TMEM245: variants seen among roughly 807,000 people sequenced by gnomAD.
TMEM245 encodes the protein transmembrane protein 245, also known as protein CG-2.
TMEM245 carries 69 observed loss-of-function variants against 101.2 expected under a neutral mutation model. The ratio of observed to expected loss-of-function variants is 0.68; its 90% CI spans 0.56 to 0.83. The LOEUF (loss-of-function observed/expected upper bound fraction) is 0.83. Ranked by LOEUF, TMEM245 falls within the 40% of genes least tolerant of loss-of-function variation. The pLI is 0.00. For synonymous variants in TMEM245, 537 were observed against 449.8 expected (o/e 1.19, Z -2.45); for missense variants, 1,075 against 1,092.8 (o/e 0.98, Z 0.23).
chr9:109,045,670 G>A (rs1279671738), intron 14 of TMEM245, among the ~76,000 whole-genome samples: 1 of 152,138 alleles, frequency 6.6e-6, no homozygotes, highest in Non-Finnish European at 1.5e-5. Context: ...AATGAATTTA[G>A]CAGTTTTCGA....
intron 1 of TMEM245, among the ~76,000 whole-genome samples, chr9:109,117,082 CTT>C (rs1414216086): frequency 6.6e-6 from 1 of 151,946 alleles, no homozygotes; most frequent in African/African-American, 2.4e-5. Context: ...GCTCCCAACA[CTT>C]GAGCCAAACA....
intron 7 of TMEM245, among the ~76,000 whole-genome samples, chr9:109,083,326 C>T (rs1162414981): frequency 3.3e-5 from 5 of 152,166 alleles, no homozygotes; most frequent in African/African-American, 7.2e-5. Context: ...AAAGGCCAGA[C>T]GTGCTATCTC....
chr9:109,083,917 A>AC (rs1829752671), intron 7 of TMEM245, among the ~76,000 whole-genome samples: 1 of 136,358 alleles, frequency 7.3e-6, no homozygotes. Flanking sequence ...AAAAAAAAAA[A>AC]AAAAAAAAAA....
intron 17 of TMEM245, among the ~76,000 whole-genome samples, chr9:109,024,761 A>T (rs1827746291): frequency 6.6e-6 from 1 of 152,224 alleles, no homozygotes; most frequent in Admixed American, 6.5e-5. Context: ...ACAGCTGAAA[A>T]ATAAAATGCA....
intron 8 of TMEM245, among the ~76,000 whole-genome samples, chr9:109,077,214 G>C (rs561088818): frequency 4.0e-5 from 6 of 151,414 alleles, no homozygotes; most frequent in Admixed American, 2.0e-4. Flanking sequence ...GCAGTGGCAC[G>C]ATCACAGCTC....
At chr9:109,062,699 G>A (rs1170514473) in intron 10 of TMEM245, among the ~76,000 whole-genome samples, 2 of 152,190 alleles carry the variant, frequency 1.3e-5, no homozygotes, top group South Asian at 2.1e-4. Context: ...GCCAGGCATC[G>A]TGGCTCATGC....
chr9:109,091,755 C>T (rs1187430073), intron 4 of TMEM245, among the ~76,000 whole-genome samples: 3 of 152,114 alleles, frequency 2.0e-5, no homozygotes, highest in Admixed American at 2.0e-4. Context: ...ACACTGTTTT[C>T]TAACAATGCA....
chr9:109,094,040 C>T lies in TMEM245; in HGVS notation c.800-449G>A, dbSNP rs551394372. On this transcript the variant is annotated intron_variant, in intron 3 of 17. Coordinates refer to ENST00000374586, the MANE Select transcript of TMEM245 (RefSeq NM_032012.4). The stretch of plus-strand genomic sequence containing the variant: ...TAACAACATTCCACAAATGAGTATG[C>T]GAATATATGGCTATTATGCAAAACC... Among the ~76,000 whole-genome samples the T allele has an allele frequency of 4.1e-4, 62 of 152,166 alleles. 1 individual carries two copies. Among genetic ancestry groups the T allele is most frequent in the Admixed American group, 3.4e-3 (52 of 15,278 alleles).
At chr9:109,069,504 C>A (rs114530843) in intron 9 of TMEM245, among the ~76,000 whole-genome samples, 72 of 152,222 alleles carry the variant, frequency 4.7e-4, no homozygotes, top group African/African-American at 1.6e-3. Context: ...GGACAGAAGA[C>A]CTCACTTCTT....
In TMEM245 at chr9:109,080,923, C is replaced by A. The variant is rs767695427; in HGVS notation, c.1365G>T (p.Lys455Asn). 3.5e-5 allele frequency: 56 copies of A among 1,603,796 alleles called. No homozygotes were observed. In the Middle Eastern group the frequency reaches 5.0e-4, roughly 14 times the overall value. Residue 455 changes from lysine to asparagine, a missense_variant, in exon 8 of 18, where the codon AAG becomes AAT. Lys to Asn is a moderately conservative substitution (Grantham distance 94, BLOSUM62 0). This residue lies in a region of TMEM245 where 808 missense variants were observed against 741.5 expected (regional missense o/e 1.09). Coordinates refer to ENST00000374586, the MANE Select transcript of TMEM245 (RefSeq NM_032012.4). Reference sequence around the variant, plus strand: ...AAATGCTAATTATTTTATCTAACATCTTCTCCAACCAGATGATCATCTGCA... The same window carrying A: ...AAATGCTAATTATTTTATCTAACATATTCTCCAACCAGATGATCATCTGCA... The part of the protein sequence containing the change: ...LNKKMIIWLE[K>N]MLDKIISIFI...
intron 12 of TMEM245, 97 bp from the exon 13 acceptor site, chr9:109,050,789 G>A (rs1828654305): frequency 1.2e-5 from 16 of 1,282,652 alleles, no homozygotes; most frequent in South Asian, 3.4e-5. Context: ...TTAGTACCAT[G>A]AACTGAAAAG....
chr9:109,104,549 A>T (rs1337060660), intron 3 of TMEM245, among the ~76,000 whole-genome samples: 1 of 152,240 alleles, frequency 6.6e-6, no homozygotes, highest in African/African-American at 2.4e-5. Flanking sequence ...AGGAAAGCTG[A>T]TCATAAATAT....
chr9:109,118,528 T>C (rs936888556), intron 1 of TMEM245, among the ~76,000 whole-genome samples: 1 of 152,218 alleles, frequency 6.6e-6, no homozygotes, highest in Non-Finnish European at 1.5e-5. Flanking sequence ...CTAGATTACC[T>C]TTGAAATCTT....
intron 7 of TMEM245, among the ~76,000 whole-genome samples, chr9:109,083,969 T>G (rs568372888): frequency 4.9e-4 from 69 of 141,390 alleles, no homozygotes; most frequent in South Asian, 1.4e-3. Context: ...CCCAGCTACT[T>G]AGGCGGCTGA....
At chr9:109,083,939 T>TG (rs1427364251) in intron 7 of TMEM245, among the ~76,000 whole-genome samples, 2 of 91,428 alleles carry the variant, frequency 2.2e-5, no homozygotes, top group African/African-American at 7.8e-5. Flanking sequence ...ACACCAGGCA[T>TG]GGTGGTGCAC....
At chr9:109,038,742 G>A (rs1362232913) in intron 14 of TMEM245, 1 of 152,242 alleles carries the variant, frequency 6.6e-6, no homozygotes, top group Non-Finnish European at 1.5e-5. Context: ...AGTAAAATCA[G>A]AGAGGAAAAT....
chr9:109,026,415 T>C (rs1827790474), intron 17 of TMEM245, among the ~76,000 whole-genome samples: 2 of 151,776 alleles, frequency 1.3e-5, no homozygotes, highest in South Asian at 4.2e-4. Context: ...TCTGAATAGT[T>C]AGGAGTTCGT....
chr9:109,020,354 TG>T lies in TMEM245; in HGVS notation c.*105del. On this transcript the variant is annotated 3_prime_UTR_variant, in exon 18 of 18. Transcript: ENST00000374586. ...GGCCAGGAGGCTTCTGCTTCTTTCCTGGGTTTTGCTTGCTAGGCACAGCTGG... is the reference window on the plus strand; with the variant it reads ...GGCCAGGAGGCTTCTGCTTCTTTCCTGGTTTTGCTTGCTAGGCACAGCTGG... 1.8e-6 allele frequency: 2 copies of T among 1,113,514 alleles called. No homozygotes were observed. Among genetic ancestry groups the T allele is most frequent in the African/African-American group, 1.5e-5 (1 of 65,232 alleles). The allele number at this position is 1,113,514 out of a possible 1,614,324, so 69.0% of individuals were successfully genotyped here.
At chr9:109,064,598 A>T in intron 9 of TMEM245, 31 bp from the exon 10 acceptor site, 2 of 1,591,634 alleles carry the variant, frequency 1.3e-6, no homozygotes, top group Non-Finnish European at 1.7e-6. Context: ...AAATGAAAAA[A>T]GTACACTTTC....
Sources: allele counts gnomAD v4.1 joint callset (sites outside exome capture counted in the v4.1 genomes callset), GRCh38; gene constraint gnomAD v4.1.1; regional missense constraint gnomAD v4.1.1; transcripts MANE v1.5; gene names NCBI Gene and HGNC (gene_info 2026-07-23, HGNC 2026-07-21).